The following RP1 variants were observed in gnomAD, a reference collection of about 807,000 sequenced individuals.
RP1 encodes the protein oxygen-regulated protein 1.
In RP1, 16 loss-of-function variants were observed where a neutral mutation model predicts 14.8. That is an observed-to-expected ratio of 1.08 (90% CI 0.73 to 1.65). The LOEUF is 1.65. Among genes scored for constraint, RP1 ranks in the 40% most tolerant of loss-of-function variants. The pLI, the probability that RP1 is intolerant of heterozygous loss-of-function variation, is 0.00. For synonymous variants in RP1, 876 were observed against 883.6 expected, an observed-to-expected ratio of 0.99 and a Z score of 0.15; for missense variants, 2,631 against 2,535.0, an observed-to-expected ratio of 1.04 and a Z score of -0.81.
rs571279397 is a variant in RP1, at chr8:54,584,692, G to T, written c.-13+25372G>T. Among the ~76,000 whole-genome samples, 576 of 152,194 alleles carry T rather than the reference G, an allele frequency of 3.8e-3. 3 individuals are homozygous for T. The highest frequency in any genetic ancestry group is 0.013 in the African/African-American group (534 of 41,520). On this transcript the variant is annotated intron_variant, in intron 1 of 22. Transcript: ENST00000636932. ...TTATGAATCTGGGTGCTCCTGTATT[G>T]GGTGCATATATATTTAGGATAGTTA...
chr8:54,709,479 A>G (rs1456965822), intron 15 of RP1, among the ~76,000 whole-genome samples: 1 of 152,138 alleles, frequency 6.6e-6, no homozygotes, highest in Non-Finnish European at 1.5e-5. Flanking sequence ...GGAGTTTCAA[A>G]CCCAAGTATC....
chr8:54,803,375 C>T (rs1432606396), intron 24 of RP1, among the ~76,000 whole-genome samples: 1 of 152,118 alleles, frequency 6.6e-6, no homozygotes. Flanking sequence ...TGAACACTAC[C>T]TTGTAACACC....
intron 15 of RP1, among the ~76,000 whole-genome samples, chr8:54,712,540 A>G (rs1808316331): frequency 6.6e-6 from 1 of 152,190 alleles, no homozygotes; most frequent in South Asian, 2.1e-4. Flanking sequence ...AGAGGCCTAA[A>G]GGAGCACTCT....
At position 54,626,420 on chromosome 8, in the gene RP1, T is replaced by C; in HGVS notation, c.2538T>C (p.Tyr846=). 1 of 1,613,570 alleles carries C rather than the reference T, an allele frequency of 6.2e-7. No homozygotes were observed. Among genetic ancestry groups the C allele is most frequent in the Non-Finnish European group, 8.5e-7 (1 of 1,179,862 alleles). ...CTCAAGCAGAAGTGGCATCTGGGTA[T>C]TTGAGAGGAATGGCAAAGAAGAGTT... The part of the protein sequence containing the change: ...PQSQAEVASG[Y]LRGMAKKSLV... The change falls in exon 4 of 4, where the codon TAT becomes TAC. Residue 846 remains tyrosine (Y), a synonymous_variant. Transcript: ENST00000220676.
intron 15 of RP1, among the ~76,000 whole-genome samples, chr8:54,715,351 T>C (rs1402579556): frequency 6.6e-6 from 1 of 152,202 alleles, no homozygotes; most frequent in African/African-American, 2.4e-5. Context: ...AATCAGTTTG[T>C]ATTTGAGTTA....
intron 20 of RP1, among the ~76,000 whole-genome samples, chr8:54,755,186 C>G (rs1809471360): frequency 6.6e-6 from 1 of 152,136 alleles, no homozygotes; most frequent in Non-Finnish European, 1.5e-5. Flanking sequence ...ACAAGAAATG[C>G]CATGGCTGCA....
Position 54,625,009 on chromosome 8 carries a change from G to A in RP1, c.1127G>A (p.Arg376Gln), listed in dbSNP as rs1166678265. 5 of 1,614,120 alleles carry A rather than the reference G, an allele frequency of 3.1e-6. No individual in the cohort carries two copies. The highest frequency in any genetic ancestry group is 2.7e-5 in the African/African-American group (2 of 75,022). ...EMSFPGRTES[R>Q]SSGLKLAACS... ...AGTTTTCCAGGAAGAACAGAAAGTC[G>A]ATCATCTGGTTTAAAGCTTGCAGCA... Residue 376 changes from arginine to glutamine, a missense_variant, in exon 4 of 4, where the codon CGA (arginine) becomes CAA (glutamine). By Grantham distance (43) the Arg-to-Gln change is conservative. Transcript: ENST00000220676.
chr8:54,635,305 A>T (rs921066959), downstream of RP1, among the ~76,000 whole-genome samples: 1 of 152,128 alleles, frequency 6.6e-6, no homozygotes, highest in Non-Finnish European at 1.5e-5. Context: ...TCTTGAGAAT[A>T]GTTCTTTTCT....
intron 1 of RP1, among the ~76,000 whole-genome samples, chr8:54,592,901 A>G (rs559824610): frequency 6.6e-6 from 1 of 152,270 alleles, no homozygotes; most frequent in East Asian, 1.9e-4. Flanking sequence ...GTTTCTAGGA[A>G]GTGCTCCTTT....
At chr8:54,623,769 T>C (rs1440229959) in intron 3 of RP1, among the ~76,000 whole-genome samples, 6 of 152,260 alleles carry the variant, frequency 3.9e-5, no homozygotes, top group Admixed American at 3.9e-4. Flanking sequence ...TAGTACTTGA[T>C]TAATTCAGTC....
chr8:54,819,650 CT>C (rs1466974344), intron 24 of RP1, among the ~76,000 whole-genome samples: 2 of 152,254 alleles, frequency 1.3e-5, no homozygotes, highest in African/African-American at 4.8e-5. Flanking sequence ...GTGTTGTGAT[CT>C]GAGTCTTTGG....
At chr8:54,658,873 C>A (rs893631715) in intron 6 of RP1, among the ~76,000 whole-genome samples, 1 of 138,568 alleles carries the variant, frequency 7.2e-6, no homozygotes, top group African/African-American at 3.0e-5. Context: ...TCTGCATTCT[C>A]CCCAACACTT....
chr8:54,713,850 T>C (rs755455209), intron 15 of RP1, among the ~76,000 whole-genome samples: 3 of 152,252 alleles, frequency 2.0e-5, no homozygotes, highest in Non-Finnish European at 4.4e-5. Context: ...AATTATTTTG[T>C]TTGAATTTTC....
At chr8:54,796,197 A>G (rs766397922) in intron 24 of RP1, among the ~76,000 whole-genome samples, 6 of 152,196 alleles carry the variant, frequency 3.9e-5, no homozygotes, top group Admixed American at 2.6e-4. Flanking sequence ...TTACCATTTT[A>G]TCCTCTGTAA....
chr8:54,749,325 C>G (rs1809302928), intron 19 of RP1, among the ~76,000 whole-genome samples: 2 of 149,484 alleles, frequency 1.3e-5, no homozygotes, highest in South Asian at 4.2e-4. Flanking sequence ...AGCAAGACTC[C>G]ATCTCAAAAA....
In RP1 at chr8:54,849,269, T is replaced by C. The variant is rs1351153337; in HGVS notation, c.3836-3305T>C. Among the ~76,000 whole-genome samples, 8 of 152,140 alleles carry C rather than the reference T, an allele frequency of 5.3e-5. 1 individual carries two copies. Among genetic ancestry groups the C allele is most frequent in the African/African-American group, 2.4e-5 (1 of 41,422 alleles). On this transcript the variant is annotated intron_variant, in intron 25 of 28. Coordinates refer to the RP1 transcript ENST00000637698. ...GAAGTACATTGTATTTTCTGTTTTT[T>C]GTTTTTTACTGGTTCAACAACCAAC...
intron 17 of RP1, among the ~76,000 whole-genome samples, chr8:54,734,056 G>A (rs948733798): frequency 3.5e-4 from 53 of 152,048 alleles, no homozygotes; most frequent in African/African-American, 1.2e-3. Flanking sequence ...CATTGCCCAC[G>A]CCAGTAAGGT....
intron 8 of RP1, among the ~76,000 whole-genome samples, chr8:54,677,646 G>C (rs1480700961): frequency 6.6e-6 from 1 of 152,144 alleles, no homozygotes; most frequent in Non-Finnish European, 1.5e-5. Flanking sequence ...AAGATTGCTT[G>C]AGTTCAGGAG....
intron 1 of RP1, among the ~76,000 whole-genome samples, chr8:54,564,866 G>A (rs1383971150): frequency 6.6e-6 from 1 of 152,172 alleles, no homozygotes; most frequent in Non-Finnish European, 1.5e-5. Flanking sequence ...TAACCTGTGG[G>A]CACACATCTG....
Sources: gnomAD v4.1 joint callset for allele counts (sites outside exome capture counted in the v4.1 genomes callset) on GRCh38, gnomAD v4.1.1 for gene constraint, MANE v1.5 for transcripts, NCBI Gene and HGNC (gene_info 2026-07-23, HGNC 2026-07-21) for gene names.